SLC35F3: variants seen among roughly 807,000 people sequenced by gnomAD.
SLC35F3 encodes the protein putative thiamine transporter SLC35F3.
Under a neutral mutation model 49.9 loss-of-function variants are expected in SLC35F3, and 25 were observed. The ratio of observed to expected loss-of-function variants is 0.50; its 90% CI spans 0.37 to 0.70. The LOEUF is 0.70. Ranked by LOEUF, SLC35F3 falls within the 30% of genes least tolerant of loss-of-function variation. The pLI is 0.00. For synonymous variants in SLC35F3, 275 were observed against 265.4 expected (o/e 1.04, Z -0.35); for missense variants, 525 against 639.8 (o/e 0.82, Z 1.94).
chr1:234,190,155 A>T (rs1166724552), intron 2 of SLC35F3, among the ~76,000 whole-genome samples: 1 of 152,156 alleles, frequency 6.6e-6, no homozygotes, highest in Non-Finnish European at 1.5e-5. Context: ...ACAAAAACAC[A>T]CACAAAAAAA....
At chr1:234,131,153 G>A (rs1021847734) in intron 2 of SLC35F3, among the ~76,000 whole-genome samples, 1 of 150,972 alleles carries the variant, frequency 6.6e-6, no homozygotes, top group South Asian at 2.1e-4. Context: ...AGGGGCATGA[G>A]GGGGCTTCTG....
chr1:234,034,818 C>T (rs532542010), intron 2 of SLC35F3, among the ~76,000 whole-genome samples: 1 of 152,186 alleles, frequency 6.6e-6, no homozygotes, highest in Non-Finnish European at 1.5e-5. Flanking sequence ...CCACTGTGCC[C>T]AGCCCATAGA....
chr1:234,029,865 T>C (rs1354977272), intron 2 of SLC35F3, among the ~76,000 whole-genome samples: 1 of 151,988 alleles, frequency 6.6e-6, no homozygotes, highest in Non-Finnish European at 1.5e-5. Flanking sequence ...CTGTCTCAAA[T>C]AATAATAATA....
intron 2 of SLC35F3, among the ~76,000 whole-genome samples, chr1:234,190,212 C>T (rs1230236587): frequency 6.6e-6 from 1 of 152,138 alleles, no homozygotes; most frequent in Non-Finnish European, 1.5e-5. Context: ...AATAGTACCT[C>T]ACATCTCAAT....
intron 1 of SLC35F3, 146 bp from the exon 2 acceptor site, chr1:233,905,383 G>C (rs9435566): frequency 1 from 715,219 of 715,222 alleles, 357,608 homozygotes; most frequent in Middle Eastern, 1. Context: ...GGGAAGGGAG[G>C]AGCGCGGGCT....
chr1:234,232,925 A>T (rs12409237), intron 3 of SLC35F3, among the ~76,000 whole-genome samples: 5,664 of 152,252 alleles, frequency 0.037, 187 homozygotes, highest in Admixed American at 0.081. Context: ...GGCTCCTTTA[A>T]AATACCAACT....
chr1:234,178,294 A>T (rs1666505306), intron 2 of SLC35F3, among the ~76,000 whole-genome samples: 1 of 151,998 alleles, frequency 6.6e-6, no homozygotes, highest in Non-Finnish European at 1.5e-5. Flanking sequence ...TTGCCACCGA[A>T]CTCATCCCTC....
chr1:234,256,839 C>A lies in SLC35F3; in HGVS notation c.608+25098C>A, dbSNP rs190374983. 4.0e-3 allele frequency among the ~76,000 whole-genome samples: 614 copies of A among 152,352 alleles called. 8 individuals carry two copies. Among genetic ancestry groups the A allele is most frequent in the African/African-American group, 0.014 (572 of 41,572 alleles). The stretch of plus-strand genomic sequence containing the variant: ...TTTGGCCACCCCATCCAGCATAAAT[C>A]CCTGTCTTATTCTTCTGACCCTTGA... On this transcript the variant is annotated intron_variant, in intron 3 of 7. Transcript: ENST00000366618.
At chr1:234,244,182 T>C (rs565940913) in intron 3 of SLC35F3, among the ~76,000 whole-genome samples, 1 of 152,358 alleles carries the variant, frequency 6.6e-6, no homozygotes, top group African/African-American at 2.4e-5. Flanking sequence ...CCATGCATAC[T>C]TAGATATCCT....
chr1:234,023,227 C>T (rs1409261162), intron 2 of SLC35F3, among the ~76,000 whole-genome samples: 1 of 152,114 alleles, frequency 6.6e-6, no homozygotes, highest in African/African-American at 2.4e-5. Context: ...ATAAGTGAAC[C>T]AGGGCATTAG....
intron 2 of SLC35F3, among the ~76,000 whole-genome samples, chr1:233,968,667 TA>T (rs1662940726): frequency 6.6e-6 from 1 of 152,038 alleles, no homozygotes; most frequent in African/African-American, 2.4e-5. Flanking sequence ...GTATTTTTAG[TA>T]AACACGGGGT....
At chr1:233,919,424 G>C (rs111472110) in intron 2 of SLC35F3, among the ~76,000 whole-genome samples, 1 of 152,128 alleles carries the variant, frequency 6.6e-6, no homozygotes, top group Non-Finnish European at 1.5e-5. Context: ...CAATAAACAT[G>C]CTTGTCTCAG....
intron 3 of SLC35F3, among the ~76,000 whole-genome samples, chr1:234,273,140 C>T (rs1176288246): frequency 6.6e-6 from 1 of 152,248 alleles, no homozygotes; most frequent in East Asian, 1.9e-4. Flanking sequence ...GGGCTCACTC[C>T]AGCTGTCCCT....
chr1:234,307,212 G>A (rs1052443309), intron 3 of SLC35F3, among the ~76,000 whole-genome samples: 1 of 152,170 alleles, frequency 6.6e-6, no homozygotes, highest in Admixed American at 6.5e-5. Context: ...TTAGATGAGG[G>A]TTGCAGCTAT....
At chr1:234,043,849 C>G (rs1030077486) in intron 2 of SLC35F3, among the ~76,000 whole-genome samples, 10 of 152,124 alleles carry the variant, frequency 6.6e-5, no homozygotes, top group Admixed American at 6.5e-4. Context: ...TTATAAACTT[C>G]CAACATGAGC....
rs529139239 is a variant in SLC35F3 at position 234,234,293 on chromosome 1, C to A, written c.608+2552C>A. 1.8e-4 allele frequency among the ~76,000 whole-genome samples: 28 copies of A among 152,222 alleles called. 1 individual carries two copies. In the South Asian group the frequency reaches 5.6e-3, roughly 30 times the overall value. On this transcript the variant is annotated intron_variant, in intron 3 of 7. Coordinates refer to ENST00000366618, the MANE Select transcript of SLC35F3 (RefSeq NM_173508.4). ...TGGACAGATACAGCAGCTTTTCTTGCAGTTATCAGGAGGCAATCAGATGGA... is the reference window on the plus strand; with the variant it reads ...TGGACAGATACAGCAGCTTTTCTTGAAGTTATCAGGAGGCAATCAGATGGA...
intron 2 of SLC35F3, among the ~76,000 whole-genome samples, chr1:233,969,357 G>T (rs59117969): frequency 6.6e-6 from 1 of 152,180 alleles, no homozygotes; most frequent in African/African-American, 2.4e-5. Context: ...AGCTGACATG[G>T]TGTGATCATC....
chr1:234,082,494 G>A (rs1301027990), intron 2 of SLC35F3, among the ~76,000 whole-genome samples: 1 of 152,140 alleles, frequency 6.6e-6, no homozygotes, highest in Non-Finnish European at 1.5e-5. Context: ...TTGCTGCCTT[G>A]TCATTTATGT....
At chr1:234,126,851 G>T (rs1177708191) in intron 2 of SLC35F3, among the ~76,000 whole-genome samples, 10 of 152,010 alleles carry the variant, frequency 6.6e-5, no homozygotes. Flanking sequence ...ACGCACTACC[G>T]TGCTGGGCTA....
Sources: allele counts gnomAD v4.1 joint callset (sites outside exome capture counted in the v4.1 genomes callset), GRCh38; gene constraint gnomAD v4.1.1; transcripts MANE v1.5; gene names NCBI Gene and HGNC (gene_info 2026-07-23, HGNC 2026-07-21).